Variants in UBE2QL1 observed in about 807,000 individuals in gnomAD.
UBE2QL1 encodes ubiquitin-conjugating enzyme E2Q-like protein 1.
In UBE2QL1, 5 loss-of-function variants were observed where a neutral mutation model predicts 12.6. The observed-to-expected ratio is 0.40, with a 90% confidence interval of 0.21 to 0.83. The LOEUF (loss-of-function observed/expected upper bound fraction) is 0.83. UBE2QL1 is among the 40% of genes least tolerant of loss of function. UBE2QL1 has a pLI of 0.37. For missense variants in UBE2QL1, 99 were observed against 222.6 expected (o/e 0.44, Z 3.53); for synonymous variants, 96 against 94.5 (o/e 1.02, Z -0.10).
intron 1 of UBE2QL1, among the ~76,000 whole-genome samples, chr5:6,459,026 T>C (rs1290352134): frequency 6.6e-6 from 1 of 152,090 alleles, no homozygotes; most frequent in African/African-American, 2.4e-5. Context: ...AGGGGCCTTG[T>C]CCACAGTAGC....
In UBE2QL1 at chr5:6,481,474, C is replaced by T. The variant is rs1734361141; in HGVS notation, c.355-9744C>T. 6.6e-6 allele frequency among the ~76,000 whole-genome samples: 1 copy of T among 152,216 alleles called. No individual in the cohort carries two copies. Among genetic ancestry groups the T allele is most frequent in the South Asian group, 2.1e-4 (1 of 4,836 alleles). ...GAGAGCAGAGAGGGGGCACGCTCCCCTCCCCGCACACCTCTCCCTGCAGAA... is the reference window on the plus strand; with the variant it reads ...GAGAGCAGAGAGGGGGCACGCTCCCTTCCCCGCACACCTCTCCCTGCAGAA... On this transcript the variant is annotated intron_variant, in intron 1 of 1. Coordinates refer to ENST00000399816, the MANE Select transcript of UBE2QL1 (RefSeq NM_001145161.3). This position sits in a 1 kb window ranked among gnomAD's most constrained non-coding sequence, Gnocchi z 4.5.
chr5:6,487,274 C>T lies in UBE2QL1; in HGVS notation c.355-3944C>T, dbSNP rs570406077. 3.3e-5 allele frequency among the ~76,000 whole-genome samples: 5 copies of T among 152,186 alleles called. No individual in the cohort carries two copies. In the South Asian group the frequency reaches 1.0e-3, roughly 32 times the overall value. ...TCATTGCTATTGGCCCTCAAAAGGC[C>T]ATAAGGGAAAAAAAGAATCAAATCA... is the stretch of plus-strand genomic sequence containing the variant. On this transcript the variant is annotated intron_variant, in intron 1 of 1. Coordinates refer to ENST00000399816, the MANE Select transcript of UBE2QL1 (RefSeq NM_001145161.3).
chr5:6,456,112 C>T (rs1445710344), intron 1 of UBE2QL1, among the ~76,000 whole-genome samples: 1 of 152,230 alleles, frequency 6.6e-6, no homozygotes, highest in Non-Finnish European at 1.5e-5. Context: ...TCCTAGGCAT[C>T]ATTGGGGGAT....
At chr5:6,468,034 A>G (rs1335050662) in intron 1 of UBE2QL1, among the ~76,000 whole-genome samples, 2 of 151,950 alleles carry the variant, frequency 1.3e-5, no homozygotes, top group African/African-American at 4.8e-5. Flanking sequence ...GACTCGATCC[A>G]TCTTCTTTGG....
intron 1 of UBE2QL1, among the ~76,000 whole-genome samples, chr5:6,466,344 C>A (rs1739792944): frequency 6.6e-6 from 1 of 152,192 alleles, no homozygotes; most frequent in Non-Finnish European, 1.5e-5. Context: ...TGTTGGAGTC[C>A]CCCCAACCCA....
At chr5:6,465,202 G>T (rs1739760690) in intron 1 of UBE2QL1, among the ~76,000 whole-genome samples, 1 of 152,110 alleles carries the variant, frequency 6.6e-6, no homozygotes, top group African/African-American at 2.4e-5. Context: ...GGCCAGGCTG[G>T]TCTCAAACTT....
At chr5:6,482,571 T>C (rs1390857141) in intron 1 of UBE2QL1, among the ~76,000 whole-genome samples, 1 of 150,550 alleles carries the variant, frequency 6.6e-6, no homozygotes, top group African/African-American at 2.4e-5. Flanking sequence ...TACCCCCTCC[T>C]GCACTCCCAC....
rs920370589 is a variant in UBE2QL1, at chr5:6,482,534, C to T, written c.355-8684C>T. On this transcript the variant is annotated intron_variant, in intron 1 of 1. Transcript: ENST00000399816. ...CACCTTCCCCTGGAAGTTTCCTCCA[C>T]TCGTCTGGGCCCCCAGCCCCTTTAG... Among the ~76,000 whole-genome samples the T allele has an allele frequency of 2.0e-5, 3 of 151,448 alleles. No individual in the cohort carries two copies. The East Asian group carries it at 5.8e-4, about 29-fold the overall frequency.
At chr5:6,482,389 G>C (rs1218006220) in intron 1 of UBE2QL1, among the ~76,000 whole-genome samples, 1 of 152,054 alleles carries the variant, frequency 6.6e-6, no homozygotes, top group Non-Finnish European at 1.5e-5. Context: ...AGCAAGCTCT[G>C]ACTCCCGGAA....
intron 1 of UBE2QL1, among the ~76,000 whole-genome samples, chr5:6,456,808 T>G (rs1454208151): frequency 6.6e-6 from 1 of 152,050 alleles, no homozygotes; most frequent in Non-Finnish European, 1.5e-5. Context: ...GGCAGAGGAT[T>G]GTGAGATGAG....
chr5:6,492,714 G>A lies in UBE2QL1; in HGVS notation c.*1365G>A, dbSNP rs907290715. On this transcript the variant is annotated 3_prime_UTR_variant, in exon 2 of 2. Transcript: ENST00000399816. ...ATGTAATTCCAGAGCAGCGTTCTAAGTCAGGTACCAGAAATGAGTCTTAGG... is the reference window on the plus strand; with the variant it reads ...ATGTAATTCCAGAGCAGCGTTCTAAATCAGGTACCAGAAATGAGTCTTAGG... 2 of 152,192 alleles carry A rather than the reference G, an allele frequency of 1.3e-5. No individual in the cohort carries two copies. The highest frequency in any genetic ancestry group is 4.8e-5 in the African/African-American group (2 of 41,450). 9.4% of individuals were successfully genotyped at this position (152,192 alleles called of 1,614,324 possible). A position where few individuals can be genotyped will look rare whatever the true frequency, so the allele number is the denominator to read the frequency against.
intron 1 of UBE2QL1, among the ~76,000 whole-genome samples, chr5:6,484,188 T>G (rs1189027259): frequency 6.6e-6 from 1 of 152,026 alleles, no homozygotes; most frequent in Non-Finnish European, 1.5e-5. Flanking sequence ...AAACTTTGAG[T>G]GAAACCCAAC....
intron 1 of UBE2QL1, among the ~76,000 whole-genome samples, chr5:6,461,126 G>A (rs1211895737): frequency 4.6e-5 from 7 of 152,090 alleles, no homozygotes; most frequent in South Asian, 4.1e-4. Flanking sequence ...TGAAATATTC[G>A]ACCTGCAGGA....
chr5:6,452,817 G>C (rs272470), intron 1 of UBE2QL1, among the ~76,000 whole-genome samples: 128,934 of 152,142 alleles, frequency 0.85, 54,879 homozygotes, highest in Middle Eastern at 0.88. Context: ...GTGGGACGAT[G>C]GCGTGACTGG....
At chr5:6,459,020 G>T (rs1739593997) in intron 1 of UBE2QL1, among the ~76,000 whole-genome samples, 1 of 152,052 alleles carries the variant, frequency 6.6e-6, no homozygotes, top group South Asian at 2.1e-4. Flanking sequence ...AAAGCCAGGG[G>T]CCTTGTCCAC....
chr5:6,450,931 A>G lies in UBE2QL1; in HGVS notation c.354+1684A>G, dbSNP rs573669325. 2.0e-5 allele frequency among the ~76,000 whole-genome samples: 3 copies of G among 152,364 alleles called. No individual in the cohort carries two copies. In the South Asian group the frequency reaches 6.2e-4, roughly 32 times the overall value. ...AAGGTTCATGTGATAGAATGCAAGCATGGGGGGTAGGGGATCTCAGTTTTA... is the reference window on the plus strand; with the variant it reads ...AAGGTTCATGTGATAGAATGCAAGCGTGGGGGGTAGGGGATCTCAGTTTTA... On this transcript the variant is annotated intron_variant, in intron 1 of 1. Transcript: ENST00000399816.
chr5:6,475,921 G>C (rs73036275), intron 1 of UBE2QL1, among the ~76,000 whole-genome samples: 6,914 of 152,262 alleles, frequency 0.045, 561 homozygotes, highest in African/African-American at 0.16. Context: ...AGGCTCTCCA[G>C]GGCCTGGCCC....
At chr5:6,485,422 T>C (rs1029294743) in intron 1 of UBE2QL1, among the ~76,000 whole-genome samples, 27 of 152,330 alleles carry the variant, frequency 1.8e-4, no homozygotes, top group African/African-American at 6.5e-4. Flanking sequence ...AAAGGTGAAA[T>C]CCCCAATGTC....
In UBE2QL1 at chr5:6,493,780, C is replaced by A. The variant is rs1734621061; in HGVS notation, c.*2431C>A. The A allele has an allele frequency of 6.6e-6, 1 of 152,204 alleles. No individual in the cohort carries two copies. The highest frequency in any genetic ancestry group is 6.5e-5 in the Admixed American group (1 of 15,290). 9.4% of individuals were successfully genotyped at this position (152,204 alleles called of 1,614,324 possible). A position where few individuals can be genotyped will look rare whatever the true frequency, so the allele number is the denominator to read the frequency against. ...GTGCGGACTCCCTTTCTGGTAGACT[C>A]CCTTCGTAGGCAAGCACGGTGGTGC... On this transcript the variant is annotated 3_prime_UTR_variant, in exon 2 of 2. Coordinates refer to ENST00000399816, the MANE Select transcript of UBE2QL1 (RefSeq NM_001145161.3).
Sources: allele counts gnomAD v4.1 joint callset (sites outside exome capture counted in the v4.1 genomes callset), GRCh38; gene constraint gnomAD v4.1.1; non-coding constraint Gnocchi (gnomAD v3.1); transcripts MANE v1.5; gene names NCBI Gene and HGNC (gene_info 2026-07-23, HGNC 2026-07-21).